The following CHTF18 variants were observed in gnomAD, a reference collection of about 807,000 sequenced individuals.
CHTF18 encodes chromosome transmission fidelity factor 18, also known as chromosome transmission fidelity protein 18 homolog.
In CHTF18, 151 loss-of-function variants were observed where a neutral mutation model predicts 113.4. The observed-to-expected ratio is 1.33, with a 90% confidence interval of 1.17 to 1.52. CHTF18 has a LOEUF of 1.52. Among genes scored for constraint, CHTF18 ranks in the 40% most tolerant of loss-of-function variants. The probability of loss-of-function intolerance (pLI) is 0.00; values close to 1 mark genes in which losing one functional copy is unlikely to be tolerated. For synonymous variants in CHTF18, 916 were observed against 598.8 expected, an observed-to-expected ratio of 1.53 and a Z score of -7.74; for missense variants, 1,982 against 1,381.6, an observed-to-expected ratio of 1.43 and a Z score of -6.89.
At chr16:790,696 T>C in intron 7 of CHTF18, 30 bp downstream of exon 7, 1 of 1,502,442 alleles carries the variant, frequency 6.7e-7, no homozygotes, top group African/African-American at 1.4e-5. Context: ...CAAGTGTGGC[T>C]GGCTTCCTCT....
intron 4 of CHTF18, 80 bp from the exon 5 acceptor site, chr16:790,097 T>C: frequency 1.3e-6 from 2 of 1,540,188 alleles, no homozygotes; most frequent in Non-Finnish European, 1.7e-6. Flanking sequence ...CCCACCCGGG[T>C]CCCTGAGCAC....
chr16:797,920 A>C lies in CHTF18; in HGVS notation c.2873A>C (p.Asn958Thr). The change falls in exon 22 of 22, where the codon AAC becomes ACC. Residue 958 changes from asparagine to threonine, a missense_variant. Asn to Thr is a moderately conservative substitution (Grantham distance 65). Coordinates refer to ENST00000262315, the MANE Select transcript of CHTF18 (RefSeq NM_022092.3). ...AGGAGCGAGGTCTGGTTCCGCTTCA[A>C]CGAGGGTGTCTCCAACGCCGTGCGG... ...VGRSEVWFRF[N>T]EGVSNAVRRS... The C allele has an allele frequency of 1.2e-6, 2 of 1,612,356 alleles. No homozygotes were observed. The highest frequency in any genetic ancestry group is 1.1e-5 in the South Asian group (1 of 91,010).
intron 20 of CHTF18, 97 bp downstream of exon 20, chr16:797,189 GGGGCCAGGGTACCTTTGTGGGTGTGGCTA>G: frequency 7.2e-7 from 1 of 1,379,456 alleles, no homozygotes; most frequent in South Asian, 1.7e-5. Flanking sequence ...CCCATGGGGT[GGGGCCAGGGTACCTTTGTGGGTGTGGCTA>G]GGGCCCCTCA....
Position 791,209 on chromosome 16 carries a change from GTGT to G in CHTF18, c.945_947del (p.Phe316del). ...GTGGCTGAAGTTGTGGGACCTGGTG[GTGT>G]TTGGCCACGAGAGGCCTTCCCGGAA... On this transcript the variant is annotated inframe_deletion, in exon 8 of 22. Coordinates refer to ENST00000262315, the MANE Select transcript of CHTF18 (RefSeq NM_022092.3). 1 of 1,611,680 alleles carries G rather than the reference GTGT, an allele frequency of 6.2e-7. No individual in the cohort carries two copies. Among genetic ancestry groups the G allele is most frequent in the Non-Finnish European group, 8.5e-7 (1 of 1,179,558 alleles).
chr16:793,184 A>G lies in CHTF18; in HGVS notation c.1712A>G (p.Asp571Gly), dbSNP rs2042249136. The change falls in exon 14 of 22, where the codon GAC (aspartate) becomes GGC (glycine). Residue 571 changes from aspartate (D) to glycine (G), a missense_variant. Physicochemically the swap from Asp to Gly is moderately conservative, Grantham distance 94. Transcript: ENST00000262315. ...GGCCAGCGGGAGCTGAGCGTGCGGG[A>G]CGTGCAGGCCACACGCGTGGGCCTC... ...SRGQRELSVR[D>G]VQATRVGLKD... The G allele has an allele frequency of 1.2e-6, 2 of 1,607,374 alleles. No homozygotes were observed. Among genetic ancestry groups the G allele is most frequent in the Non-Finnish European group, 1.7e-6 (2 of 1,178,304 alleles).
rs1358335906 is a variant in CHTF18, at chr16:788,694, T to G, written c.10T>G (p.Tyr4Asp). The G allele has an allele frequency of 4.4e-6, 7 of 1,594,190 alleles. No homozygotes were observed. Among genetic ancestry groups the G allele is most frequent in the East Asian group, 2.3e-5 (1 of 42,822 alleles). MED[Y>D]EQELCGVEDD... ...CGGGCTCGCGGACGGTATGGAGGACTACGAGCAGGAGCTGTGCGGCGTCGA... is the reference window on the plus strand; with the variant it reads ...CGGGCTCGCGGACGGTATGGAGGACGACGAGCAGGAGCTGTGCGGCGTCGA... Residue 4 changes from tyrosine to aspartate, a missense_variant, in exon 1 of 22, where the codon TAC (tyrosine) becomes GAC (aspartate). Physicochemically the swap from Tyr to Asp is radical, Grantham distance 160. Coordinates refer to ENST00000262315, the MANE Select transcript of CHTF18 (RefSeq NM_022092.3).
rs2042193164 is a variant in CHTF18, at chr16:791,438, A to T, written c.1104+68A>T. On this transcript the variant is annotated intron_variant, in intron 8 of 21. Transcript: ENST00000262315. ...TTGCACTCGGCGCCGGCACCCTTGCAGCCTGTTGACTTTCTCCAGGAGCCG... is the reference window on the plus strand; with the variant it reads ...TTGCACTCGGCGCCGGCACCCTTGCTGCCTGTTGACTTTCTCCAGGAGCCG... 4 of 1,496,402 alleles carry T rather than the reference A, an allele frequency of 2.7e-6. No individual in the cohort carries two copies. In the South Asian group the frequency reaches 5.1e-5, roughly 19 times the overall value. 92.7% of individuals were successfully genotyped at this position (1,496,402 alleles called of 1,614,324 possible). A position where few individuals can be genotyped will look rare whatever the true frequency, so the allele number is the denominator to read the frequency against.
chr16:793,141 T>C lies in CHTF18; in HGVS notation c.1672-3T>C, dbSNP rs1333649548. On this transcript the variant is annotated splice_region_variant and splice_polypyrimidine_tract_variant and intron_variant, in intron 13 of 21. Coordinates refer to ENST00000262315, the MANE Select transcript of CHTF18 (RefSeq NM_022092.3). ...GCTTCTCATGCCCCCGCCCTATGTCTAGTTCCTGTACAGCCGGGGCCAGCG... is the reference window on the plus strand; with the variant it reads ...GCTTCTCATGCCCCCGCCCTATGTCCAGTTCCTGTACAGCCGGGGCCAGCG... The C allele has an allele frequency of 6.3e-7, 1 of 1,598,574 alleles. No homozygotes were observed. Among genetic ancestry groups the C allele is most frequent in the African/African-American group, 1.3e-5 (1 of 74,568 alleles).
Position 790,389 on chromosome 16 carries a change from A to C in CHTF18, c.742A>C (p.Thr248Pro), listed in dbSNP as rs1415900904. The C allele has an allele frequency of 3.7e-5, 60 of 1,612,110 alleles. No individual in the cohort carries two copies. The highest frequency in any genetic ancestry group is 5.0e-5 in the Non-Finnish European group (59 of 1,179,748). The change falls in exon 6 of 22, where the codon ACC (threonine) becomes CCC (proline). Residue 248 changes from threonine to proline, a missense_variant. Thr to Pro is a conservative substitution (Grantham distance 38, BLOSUM62 -1). Coordinates refer to ENST00000262315, the MANE Select transcript of CHTF18 (RefSeq NM_022092.3). Reference protein sequence around the residue: ...LLQEAQKLSDTLHSLRSGEEE... With the variant: ...LLQEAQKLSDPLHSLRSGEEE... The stretch of plus-strand genomic sequence containing the variant: ...TCAGGAGGCCCAGAAGCTTTCAGAC[A>C]CCCTGCACAGGTGACTTGGTTGGCC...
chr16:797,951 C>T lies in CHTF18; in HGVS notation c.2904C>T (p.Ser968=), dbSNP rs201680040. 7 of 1,612,184 alleles carry T rather than the reference C, an allele frequency of 4.3e-6. No individual in the cohort carries two copies. In the African/African-American group the frequency reaches 5.3e-5, roughly 12 times the overall value. ...NEGVSNAVRR[S]LYIRDLL The stretch of plus-strand genomic sequence containing the variant: ...GTGTCTCCAACGCCGTGCGGCGCAG[C>T]CTGTACATCAGGGACTTGCTCTAGT... Residue 968 remains serine, a synonymous_variant, in exon 22 of 22, where the codon AGC becomes AGT. Coordinates refer to ENST00000262315, the MANE Select transcript of CHTF18 (RefSeq NM_022092.3).
chr16:791,916 C>T lies in CHTF18; in HGVS notation c.1170C>T (p.His390=), dbSNP rs375383139. 4.2e-5 allele frequency: 67 copies of T among 1,609,834 alleles called. No homozygotes were observed. The Middle Eastern group carries it at 8.3e-4, about 20-fold the overall frequency. ...KTTLAHVIAR[H]AGYSVVEMNA... The stretch of plus-strand genomic sequence containing the variant: ...CCCTGGCACACGTGATTGCGCGTCA[C>T]GCGGGGTACTCTGTGGTGGAGATGA... Residue 390 remains histidine, a synonymous_variant, in exon 9 of 22, where the codon CAC becomes CAT. Transcript: ENST00000262315.
At chr16:791,112 C>T (rs777061042) in intron 7 of CHTF18, 49 bp from the exon 8 acceptor site, 6 of 1,565,476 alleles carry the variant, frequency 3.8e-6, no homozygotes, top group African/African-American at 2.7e-5. Context: ...CTGTCCGTGC[C>T]TGGAGGCGGT....
chr16:794,165 C>A lies in CHTF18; in HGVS notation c.1914C>A (p.Ala638=). ...AGCGATTCTACCGTGTCCTGCATGC[C>A]GCTGCCTCTGCGGGCGAGCACGAGA... ...ASQRFYRVLH[A]AASAGEHEKV... is the part of the protein sequence containing the mutation. The change falls in exon 15 of 22, where the codon GCC becomes GCA. Residue 638 remains alanine (A), a synonymous_variant. Transcript: ENST00000262315. 1 of 1,612,324 alleles carries A rather than the reference C, an allele frequency of 6.2e-7. No homozygotes were observed. Among genetic ancestry groups the A allele is most frequent in the Non-Finnish European group, 8.5e-7 (1 of 1,179,622 alleles).
rs766259239 is a variant in CHTF18 at position 794,083 on chromosome 16, C to T, written c.1832C>T (p.Pro611Leu). 6.8e-6 allele frequency: 11 copies of T among 1,612,222 alleles called. 1 individual carries two copies. The African/African-American group carries it at 1.1e-4, about 16-fold the overall frequency. ...RRRVGQDPAL[P>L]ADTLLLGDGD... Reference sequence around the variant, plus strand: ...CGTGTGGGCCAGGACCCCGCCCTGCCTGCTGACACACTCCTGCTGGGTGAC... The same window carrying T: ...CGTGTGGGCCAGGACCCCGCCCTGCTTGCTGACACACTCCTGCTGGGTGAC... Residue 611 changes from proline to leucine, a missense_variant, in exon 15 of 22, where the codon CCT (proline) becomes CTT (leucine). By Grantham distance (98) the Pro-to-Leu change is moderately conservative. Coordinates refer to ENST00000262315, the MANE Select transcript of CHTF18 (RefSeq NM_022092.3).
chr16:793,209 C>G lies in CHTF18; in HGVS notation c.1737C>G (p.Leu579=), dbSNP rs774387234. The G allele has an allele frequency of 2.5e-6, 4 of 1,609,262 alleles. No individual in the cohort carries two copies. The African/African-American group carries it at 5.3e-5, about 22-fold the overall frequency. ...VRDVQATRVG[L]KDQRRGLFSV... ...ACGTGCAGGCCACACGCGTGGGCCT[C>G]AAGGACCAGCGCAGAGGGCTCTTCT... Residue 579 remains leucine (L), a synonymous_variant, in exon 14 of 22, where the codon CTC becomes CTG. Transcript: ENST00000262315.
In CHTF18 at chr16:796,892, C is replaced by T. The variant is rs1346574313; in HGVS notation, c.2601+31C>T. The T allele has an allele frequency of 1.5e-5, 24 of 1,569,710 alleles. 1 individual carries two copies. In the Admixed American group the frequency reaches 2.8e-4, roughly 18 times the overall value. Reference sequence around the variant, plus strand: ...CCCACCCAGGCTCTGGAGCAGGTTGCAGTCTGGGCGTGCACCATCCCCACT... The same window carrying T: ...CCCACCCAGGCTCTGGAGCAGGTTGTAGTCTGGGCGTGCACCATCCCCACT... On this transcript the variant is annotated intron_variant, in intron 19 of 21. Coordinates refer to ENST00000262315, the MANE Select transcript of CHTF18 (RefSeq NM_022092.3).
chr16:791,308 G>A lies in CHTF18; in HGVS notation c.1042G>A (p.Glu348Lys), dbSNP rs754039243. ...AGCCCCAGGCAAGTGGAAGAGCCAC[G>A]AACAGGTGCTGGAGGAGATGCTGGA... ...ATAPGKWKSH[E>K]QVLEEMLEAG... The change falls in exon 8 of 22, where the codon GAA becomes AAA. Residue 348 changes from glutamate (E) to lysine (K), a missense_variant. Physicochemically the swap from Glu to Lys is moderately conservative, Grantham distance 56. Transcript: ENST00000262315. 3.0e-5 allele frequency: 48 copies of A among 1,610,338 alleles called. No homozygotes were observed. Among genetic ancestry groups the A allele is most frequent in the South Asian group, 3.3e-5 (3 of 90,872 alleles).
In CHTF18 at chr16:788,630, C is replaced by G. The variant is rs1250526812; in HGVS notation, c.-55C>G. The G allele has an allele frequency of 3.6e-6, 5 of 1,383,334 alleles. No individual in the cohort carries two copies. Among genetic ancestry groups the G allele is most frequent in the African/African-American group, 3.0e-5 (2 of 66,262 alleles). 85.7% of individuals were successfully genotyped at this position (1,383,334 alleles called of 1,614,324 possible). ...CGGCACGCTCGGGGCGGGCAGTGCG[C>G]GACGGCGGCGGCGGCGCGGGAGGTT... is the stretch of plus-strand genomic sequence containing the variant. On this transcript the variant is annotated 5_prime_UTR_variant, in exon 1 of 22. Transcript: ENST00000262315.
Position 797,913 on chromosome 16 carries a change from C to T in CHTF18, c.2866C>T (p.Arg956Cys), listed in dbSNP as rs190105039. 5.6e-4 allele frequency: 907 copies of T among 1,612,150 alleles called. 1 individual carries two copies. The highest frequency in any genetic ancestry group is 9.7e-4 in the Admixed American group (58 of 59,946). Residue 956 changes from arginine to cysteine, a missense_variant, in exon 22 of 22, where the codon CGC (arginine) becomes TGC (cysteine). Physicochemically the swap from Arg to Cys is radical, Grantham distance 180. Coordinates refer to ENST00000262315, the MANE Select transcript of CHTF18 (RefSeq NM_022092.3). ...GGTGGGCAGGAGCGAGGTCTGGTTC[C>T]GCTTCAACGAGGGTGTCTCCAACGC... is the stretch of plus-strand genomic sequence containing the variant. Reference protein sequence around the residue: ...TAVGRSEVWFRFNEGVSNAVR... With the variant: ...TAVGRSEVWFCFNEGVSNAVR...
Sources: gnomAD v4.1 joint callset for allele counts on GRCh38, gnomAD v4.1.1 for gene constraint, MANE v1.5 for transcripts, NCBI Gene and HGNC (gene_info 2026-07-23, HGNC 2026-07-21) for gene names.